Variants in SEMA3G observed in about 807,000 individuals in gnomAD.
SEMA3G encodes the protein semaphorin-3G.
Under a neutral mutation model 86.2 loss-of-function variants are expected in SEMA3G, and 70 were observed. The ratio of observed to expected loss-of-function variants is 0.81; its 90% CI spans 0.67 to 0.99. The LOEUF (loss-of-function observed/expected upper bound fraction) is 0.99. SEMA3G is among the 50% of genes least tolerant of loss of function. The pLI is 0.00. For synonymous variants in SEMA3G, 416 were observed against 441.4 expected (o/e 0.94, Z 0.72); for missense variants, 1,002 against 1,072.4 (o/e 0.93, Z 0.92).
At chr3:52,438,496 G>A in intron 13 of SEMA3G, 1 of 985,446 alleles carries the variant, frequency 1.0e-6, no homozygotes, top group Non-Finnish European at 1.2e-6. Context: ...TTTATCCTGA[G>A]TTGTCCCTGA....
rs1213229757 is a variant in SEMA3G, at chr3:52,435,431, C to T, written c.*172G>A. 3.0e-6 allele frequency: 2 copies of T among 659,034 alleles called. No individual in the cohort carries two copies. Among genetic ancestry groups the T allele is most frequent in the Admixed American group, 2.9e-5 (1 of 34,378 alleles). 40.8% of individuals were successfully genotyped at this position (659,034 alleles called of 1,614,324 possible). On this transcript the variant is annotated 3_prime_UTR_variant, in exon 16 of 16. Coordinates refer to ENST00000231721, the MANE Select transcript of SEMA3G (RefSeq NM_020163.3). ...ACAGAGAAGGGCAGGGAACAGGCTTCAAGAACCCAGCCCCTCCATTAGACC... is the reference window on the plus strand; with the variant it reads ...ACAGAGAAGGGCAGGGAACAGGCTTTAAGAACCCAGCCCCTCCATTAGACC...
Position 52,441,849 on chromosome 3 carries a change from G to T in SEMA3G, c.520C>A (p.Pro174Thr). The T allele has an allele frequency of 6.2e-7, 1 of 1,601,064 alleles. No individual in the cohort carries two copies. The highest frequency in any genetic ancestry group is 8.5e-7 in the Non-Finnish European group (1 of 1,174,038). The change falls in exon 5 of 16, where the codon CCC becomes ACC. Residue 174 changes from proline (P) to threonine (T), a missense_variant. By Grantham distance (38) the Pro-to-Thr change is conservative. Coordinates refer to ENST00000231721, the MANE Select transcript of SEMA3G (RefSeq NM_020163.3). ...ESGRGRCPHE[P>T]SRPFASTFID... ...AAGGTGCTGGCAAAGGGACGGCTGGGCTCGTGAGGGCACCGCCCCCGGCCA... is the reference window on the plus strand; with the variant it reads ...AAGGTGCTGGCAAAGGGACGGCTGGTCTCGTGAGGGCACCGCCCCCGGCCA...
chr3:52,441,966 C>T, intron 4 of SEMA3G, 57 bp from the exon 5 acceptor site: 1 of 1,409,112 alleles, frequency 7.1e-7, no homozygotes. Flanking sequence ...GCACCAGCAG[C>T]CCACACCCAA....
chr3:52,443,047 G>A, intron 1 of SEMA3G, 140 bp from the exon 2 acceptor site: 1 of 1,536,534 alleles, frequency 6.5e-7, no homozygotes, highest in South Asian at 1.2e-5. Context: ...ACATGGTGCT[G>A]GAAGGCTTTC....
Position 52,441,323 on chromosome 3 carries a change from G to T in SEMA3G, c.754C>A (p.Pro252Thr). 1.2e-6 allele frequency: 2 copies of T among 1,613,792 alleles called. No individual in the cohort carries two copies. Among genetic ancestry groups the T allele is most frequent in the Non-Finnish European group, 1.7e-6 (2 of 1,180,026 alleles). ...TGGTTCGAGCCACCATCGGGCGAGG[G>T]GACCGTCTCCGAGAAGAAGAAGTAC... The part of the protein sequence containing the change: ...KVYFFFSETV[P>T]SPDGGSNHVT... The change falls in exon 7 of 16, where the codon CCC (proline) becomes ACC (threonine). Residue 252 changes from proline to threonine, a missense_variant. Coordinates refer to ENST00000231721, the MANE Select transcript of SEMA3G (RefSeq NM_020163.3).
chr3:52,445,038 T>C lies in SEMA3G; in HGVS notation c.-11A>G. 1 of 1,267,714 alleles carries C rather than the reference T, an allele frequency of 7.9e-7. No homozygotes were observed. The highest frequency in any genetic ancestry group is 1.0e-6 in the Non-Finnish European group (1 of 1,000,892). 78.5% of individuals were successfully genotyped at this position (1,267,714 alleles called of 1,614,324 possible). ...GGCCGAGGGGGCCATGCTGGGGAACTGAGGGCACCGCTGCCGCCTGCCTGC... is the reference window on the plus strand; with the variant it reads ...GGCCGAGGGGGCCATGCTGGGGAACCGAGGGCACCGCTGCCGCCTGCCTGC... On this transcript the variant is annotated 5_prime_UTR_variant, in exon 1 of 16. Coordinates refer to ENST00000231721, the MANE Select transcript of SEMA3G (RefSeq NM_020163.3).
Position 52,435,588 on chromosome 3 carries a change from C to T in SEMA3G, c.*15G>A, listed in dbSNP as rs750132220. On this transcript the variant is annotated 3_prime_UTR_variant, in exon 16 of 16. Transcript: ENST00000231721. The stretch of plus-strand genomic sequence containing the variant: ...GCCCCCCAGCCCATCCTGACCACCC[C>T]TCCTCTGCCCCCTTCTACGTGGCCT... 5.6e-6 allele frequency: 9 copies of T among 1,598,274 alleles called. No homozygotes were observed. The highest frequency in any genetic ancestry group is 1.7e-5 in the Admixed American group (1 of 59,276).
At chr3:52,438,603 G>A in intron 13 of SEMA3G, 1 of 985,490 alleles carries the variant, frequency 1.0e-6, no homozygotes, top group East Asian at 1.1e-4. Context: ...GACGGGTTTT[G>A]CCACTTGGCA....
chr3:52,437,409 T>C (rs1449515898), intron 15 of SEMA3G, 118 bp downstream of exon 15: 1 of 1,179,030 alleles, frequency 8.5e-7, no homozygotes, highest in Admixed American at 2.3e-5. Context: ...AAACTTTTTT[T>C]AGGTTAATCT....
chr3:52,435,381 G>A lies in SEMA3G; in HGVS notation c.*222C>T. On this transcript the variant is annotated 3_prime_UTR_variant, in exon 16 of 16. Transcript: ENST00000231721. ...TTGGGGCTGCCAGCAGCCAGAGGGT[G>A]CTGGCTCCAGCTGGGTCTAAGAGCA... 1.8e-6 allele frequency: 1 copy of A among 569,392 alleles called. No individual in the cohort carries two copies. 35.3% of individuals were successfully genotyped at this position (569,392 alleles called of 1,614,324 possible). A position where few individuals can be genotyped will look rare whatever the true frequency, so the allele number is the denominator to read the frequency against.
chr3:52,443,341 A>ATT (rs1706197499), intron 1 of SEMA3G, among the ~76,000 whole-genome samples: 3 of 152,306 alleles, frequency 2.0e-5, no homozygotes, highest in Non-Finnish European at 4.4e-5. Context: ...TGTTCCCAGC[A>ATT]GAGGGGACCC....
At chr3:52,437,506 G>A (rs1484318210) in intron 15 of SEMA3G, 21 bp downstream of exon 15, 4 of 1,604,374 alleles carry the variant, frequency 2.5e-6, no homozygotes, top group Non-Finnish European at 3.4e-6. Flanking sequence ...AGAGGCTAGA[G>A]GCAGGGGTCT....
intron 14 of SEMA3G, 45 bp from the exon 15 acceptor site, chr3:52,437,711 C>G: frequency 2.5e-6 from 4 of 1,585,010 alleles, no homozygotes; most frequent in Non-Finnish European, 3.4e-6. Context: ...CTATGGGACC[C>G]AGATCCCAGT....
In SEMA3G at chr3:52,441,692, TG is replaced by T. The variant is rs774218188; in HGVS notation, c.551-3del. The T allele has an allele frequency of 5.2e-5, 84 of 1,611,844 alleles. 1 individual carries two copies. Among genetic ancestry groups the T allele is most frequent in the Admixed American group, 3.0e-4 (18 of 59,990 alleles). ...TGAGACCCGTGTACAGCTCCCCGTC[TG>T]GGGTGGGGGTTGGGGAACAGAGTCA... On this transcript the variant is annotated splice_region_variant and splice_polypyrimidine_tract_variant and intron_variant, in intron 5 of 15. Transcript: ENST00000231721.
chr3:52,435,959 T>C lies in SEMA3G; in HGVS notation c.1993A>G (p.Thr665Ala). 6.2e-7 allele frequency: 1 copy of C among 1,613,952 alleles called. No individual in the cohort carries two copies. The highest frequency in any genetic ancestry group is 8.5e-7 in the Non-Finnish European group (1 of 1,180,022). ...CTTLEHGFSQ[T>A]VVRLALVVIV... Reference sequence around the variant, plus strand: ...ACCACCAGAGCCAGGCGGACCACAGTCTGGGAGAAGCCATGCTCCAGAGTG... The same window carrying C: ...ACCACCAGAGCCAGGCGGACCACAGCCTGGGAGAAGCCATGCTCCAGAGTG... Residue 665 changes from threonine to alanine, a missense_variant, in exon 16 of 16, where the codon ACT becomes GCT. Thr to Ala is a moderately conservative substitution (Grantham distance 58, BLOSUM62 0). Coordinates refer to ENST00000231721, the MANE Select transcript of SEMA3G (RefSeq NM_020163.3).
chr3:52,444,338 T>C (rs1003646696), intron 1 of SEMA3G, among the ~76,000 whole-genome samples: 9 of 151,872 alleles, frequency 5.9e-5, no homozygotes, highest in Non-Finnish European at 8.8e-5. Flanking sequence ...GCCACCCTGG[T>C]CCTGTCTCCC....
At position 52,435,635 on chromosome 3, in the gene SEMA3G, TGTGCTC is replaced by T. The variant is rs1414826706; in HGVS notation, c.2311_2316del (p.Glu771_His772del). 6.2e-7 allele frequency: 1 copy of T among 1,613,606 alleles called. No individual in the cohort carries two copies. ...GCCTCCACCTCCCGGGGCGTCCGAT[TGTGCTC>T]GGCATGCACCCGGCTCTTCATCTTC... On this transcript the variant is annotated inframe_deletion, in exon 16 of 16. Transcript: ENST00000231721.
In SEMA3G at chr3:52,440,020, C is replaced by A. The variant is rs2153229642; in HGVS notation, c.1222G>T (p.Ala408Ser). The change falls in exon 11 of 16, where the codon GCC (alanine) becomes TCC (serine). Residue 408 changes from alanine (A) to serine (S), a missense_variant. By Grantham distance (99) the Ala-to-Ser change is moderately conservative. Transcript: ENST00000231721. ...CAGAACATGAGGGGGTGGGCTCGGGCAAACTGCAGCACCTCATCTGGGTAG... is the reference window on the plus strand; with the variant it reads ...CAGAACATGAGGGGGTGGGCTCGGGAAAACTGCAGCACCTCATCTGGGTAG... ...KDYPDEVLQF[A>S]RAHPLMFWPV... 6.2e-7 allele frequency: 1 copy of A among 1,612,110 alleles called. No individual in the cohort carries two copies. The highest frequency in any genetic ancestry group is 2.2e-5 in the East Asian group (1 of 44,814).
chr3:52,443,483 G>A (rs1235201938), intron 1 of SEMA3G, among the ~76,000 whole-genome samples: 1 of 152,172 alleles, frequency 6.6e-6, no homozygotes, highest in Non-Finnish European at 1.5e-5. Flanking sequence ...TGAGAGCGGG[G>A]AGCTGTCTGG....
Sources: gnomAD v4.1 joint callset for allele counts (sites outside exome capture counted in the v4.1 genomes callset) on GRCh38, gnomAD v4.1.1 for gene constraint, MANE v1.5 for transcripts, NCBI Gene and HGNC (gene_info 2026-07-23, HGNC 2026-07-21) for gene names.